BRSK2: variants seen among roughly 807,000 people sequenced by gnomAD.
The protein encoded by BRSK2 is serine/threonine-protein kinase BRSK2.
A neutral mutation model predicts 83.3 loss-of-function variants in BRSK2; 19 were observed. The observed-to-expected ratio is 0.23, with a 90% CI of 0.16 to 0.33. BRSK2 has a LOEUF of 0.33. BRSK2 is among the 10% of genes least tolerant of loss of function. The probability of loss-of-function intolerance (pLI) is 1.00; values close to 1 mark genes in which losing one functional copy is unlikely to be tolerated. For synonymous variants in BRSK2, 519 were observed against 435.4 expected, an observed-to-expected ratio of 1.19 and a Z score of -2.39; for missense variants, 798 against 1,042.3, an observed-to-expected ratio of 0.77 and a Z score of 3.23.
At chr11:1,437,233 C>T (rs1236260392) in intron 2 of BRSK2, among the ~76,000 whole-genome samples, 1 of 152,154 alleles carries the variant, frequency 6.6e-6, no homozygotes, top group Non-Finnish European at 1.5e-5. Flanking sequence ...GTCCCTGTCA[C>T]CTGCAGGCGC....
chr11:1,445,351 C>A lies in BRSK2; in HGVS notation c.870C>A (p.Arg290=). 6.2e-7 allele frequency: 1 copy of A among 1,611,844 alleles called. No individual in the cohort carries two copies. Among genetic ancestry groups the A allele is most frequent in the Non-Finnish European group, 8.5e-7 (1 of 1,179,582 alleles). Residue 290 remains arginine, a synonymous_variant, in exon 10 of 20, where the codon CGC becomes CGA. Coordinates refer to ENST00000528841, the MANE Select transcript of BRSK2 (RefSeq NM_001256627.2). ...CCATTCCTCGCAAGGTGCAGATCCG[C>A]TCGCTGCCCAGCCTGGAGGACATCG... ...EQPIPRKVQI[R]SLPSLEDIDP...
intron 1 of BRSK2, among the ~76,000 whole-genome samples, chr11:1,417,926 T>C (rs74749537): frequency 2.7e-5 from 4 of 147,042 alleles, no homozygotes; most frequent in African/African-American, 1.0e-4. Flanking sequence ...CTGCTTCTGT[T>C]GGCAGTTTCT....
At chr11:1,426,528 C>A (rs1017811899) in intron 1 of BRSK2, among the ~76,000 whole-genome samples, 9 of 152,144 alleles carry the variant, frequency 5.9e-5, no homozygotes, top group African/African-American at 2.2e-4. Context: ...GGTCTGTCCC[C>A]GCAAATGTAG....
intron 1 of BRSK2, among the ~76,000 whole-genome samples, chr11:1,421,135 C>G (rs577745205): frequency 3.3e-5 from 5 of 152,160 alleles, no homozygotes; most frequent in African/African-American, 1.2e-4. Flanking sequence ...CTGGTACAGT[C>G]CCAGGCTGTG....
At chr11:1,460,460 CCTTTTTTTTTTTTTT>C (rs1188992826) in intron 19 of BRSK2, 25 bp from the exon 20 acceptor site, 2 of 1,048,676 alleles carry the variant, frequency 1.9e-6, no homozygotes, top group African/African-American at 3.8e-5. Context: ...TTTCTTTTTT[CCTTTTTTTTTTTTTT>C]TTTGTCTCTG....
rs1847537305 is a variant in BRSK2, at chr11:1,461,865, GGC to G, written c.*1143_*1144del. 6.9e-6 allele frequency: 1 copy of G among 144,686 alleles called. No homozygotes were observed. Among genetic ancestry groups the G allele is most frequent in the Admixed American group, 6.8e-5 (1 of 14,626 alleles). The allele number at this position is 144,686 out of a possible 1,614,324, so 9.0% of individuals were successfully genotyped here. ...CTACACACACATCTAAAGACGGTGC[GGC>G]TCGCTCTGTCATGGGTTCCGTCTCT... is the stretch of plus-strand genomic sequence containing the variant. On this transcript the variant is annotated 3_prime_UTR_variant, in exon 20 of 20. Coordinates refer to ENST00000528841, the MANE Select transcript of BRSK2 (RefSeq NM_001256627.2).
rs1846266998 is a variant in BRSK2, at chr11:1,454,755, T to A, written c.1668+147T>A. 1.9e-6 allele frequency: 2 copies of A among 1,077,054 alleles called. No individual in the cohort carries two copies. The highest frequency in any genetic ancestry group is 2.4e-5 in the Admixed American group (1 of 41,024). 66.7% of individuals were successfully genotyped at this position (1,077,054 alleles called of 1,614,324 possible). A position where few individuals can be genotyped will look rare whatever the true frequency, so the allele number is the denominator to read the frequency against. Reference sequence around the variant, plus strand: ...CACCCGTGGGCCTGCCTGGCCGCCTTCACTGGACAGGCGCTCTCTCCTGCC... The same window carrying A: ...CACCCGTGGGCCTGCCTGGCCGCCTACACTGGACAGGCGCTCTCTCCTGCC... On this transcript the variant is annotated intron_variant, in intron 16 of 19. Transcript: ENST00000528841. This position sits in a 1 kb window ranked among gnomAD's most constrained non-coding sequence, Gnocchi z 5.2.
chr11:1,443,295 G>T (rs1340725386), intron 6 of BRSK2, 40 bp from the exon 7 acceptor site: 3 of 1,577,318 alleles, frequency 1.9e-6, no homozygotes, highest in Admixed American at 3.6e-5. Context: ...CCCCCGCCCT[G>T]CCCTGCGCCC....
Position 1,438,322 on chromosome 11 carries a change from C to A in BRSK2, c.203C>A (p.Ala68Glu). 6.2e-7 allele frequency: 1 copy of A among 1,614,054 alleles called. No individual in the cohort carries two copies. The highest frequency in any genetic ancestry group is 8.5e-7 in the Non-Finnish European group (1 of 1,179,968). ...SVLMKVEREI[A>E]ILKLIEHPHV... is the part of the protein sequence containing the mutation. ...CCCATGCAGGTGGAGCGGGAGATCG[C>A]GATCCTGAAGCTCATTGAGCACCCC... is the stretch of plus-strand genomic sequence containing the variant. The change falls in exon 3 of 20, where the codon GCG becomes GAG. Residue 68 changes from alanine to glutamate, a missense_variant. By Grantham distance (107) the Ala-to-Glu change is moderately radical. Coordinates refer to ENST00000528841, the MANE Select transcript of BRSK2 (RefSeq NM_001256627.2). The surrounding 1 kb of genome is among the most constrained non-coding windows in gnomAD (Gnocchi z 6.4).
chr11:1,399,980 G>T (rs529121367), intron 1 of BRSK2, among the ~76,000 whole-genome samples: 1 of 152,166 alleles, frequency 6.6e-6, no homozygotes, highest in Non-Finnish European at 1.5e-5. Flanking sequence ...CCTCCGTTAC[G>T]CAGGAATAGT....
intron 1 of BRSK2, among the ~76,000 whole-genome samples, chr11:1,420,154 G>A (rs560664408): frequency 2.3e-4 from 35 of 152,362 alleles, no homozygotes; most frequent in African/African-American, 7.2e-4. Flanking sequence ...GCAAGTGTGC[G>A]TGCGTGCATG....
chr11:1,457,304 TCATCTCTC>T (rs554059338), intron 18 of BRSK2, among the ~76,000 whole-genome samples: 3 of 152,298 alleles, frequency 2.0e-5, no homozygotes, highest in Non-Finnish European at 4.4e-5. Flanking sequence ...CTGTGACTTC[TCATCTCTC>T]CATACTTCCT....
intron 1 of BRSK2, among the ~76,000 whole-genome samples, chr11:1,393,853 CCCTGGAGATGGGCCATGGAGATGGGT>C (rs1334066923): frequency 5.9e-5 from 9 of 151,912 alleles, no homozygotes; most frequent in Admixed American, 2.6e-4. Context: ...GTGTGCAGGT[CCCTGGAGATGGGCCATGGAGATGGGT>C]CCTGGAGATG....
In BRSK2 at chr11:1,445,845, G is replaced by A; in HGVS notation, c.1164G>A (p.Val388=). The A allele has an allele frequency of 1.2e-6, 2 of 1,612,362 alleles. No homozygotes were observed. The highest frequency in any genetic ancestry group is 1.7e-5 in the Admixed American group (1 of 60,004). The change falls in exon 12 of 20, where the codon GTG becomes GTA. Residue 388 remains valine, a synonymous_variant. Transcript: ENST00000528841. ...GCAAATCCATGGAGGTGCTCAGCGT[G>A]ACGGACGGCGGCTCCCCGGTGCCTG... The part of the protein sequence containing the change: ...PERKSMEVLS[V]TDGGSPVPAR...
Position 1,454,705 on chromosome 11 carries a change from C to G in BRSK2, c.1668+97C>G. The G allele has an allele frequency of 6.8e-7, 1 of 1,474,130 alleles. No homozygotes were observed. The highest frequency in any genetic ancestry group is 9.3e-7 in the Non-Finnish European group (1 of 1,080,636). The allele number at this position is 1,474,130 out of a possible 1,614,324, so 91.3% of individuals were successfully genotyped here. On this transcript the variant is annotated intron_variant, in intron 16 of 19. Transcript: ENST00000528841. The surrounding 1 kb of genome is among the most constrained non-coding windows in gnomAD (Gnocchi z 5.2). ...CCTCCTCACGTAGACAGGACATGTC[C>G]ACGCGCACAGCACGGACGTCCGCTC...
chr11:1,459,149 C>G, intron 18 of BRSK2, 43 bp from the exon 19 acceptor site: 1 of 1,606,166 alleles, frequency 6.2e-7, no homozygotes, highest in Non-Finnish European at 8.5e-7. Flanking sequence ...CCAGGACAGC[C>G]TTTCACTCAC....
chr11:1,450,527 C>A (rs1367800931), intron 13 of BRSK2, 60 bp from the exon 14 acceptor site: 1 of 803,232 alleles, frequency 1.2e-6, no homozygotes, highest in Non-Finnish European at 2.0e-6. Context: ...CCTGCGGGTG[C>A]CCCCCCGGCC....
At position 1,422,666 on chromosome 11, in the gene BRSK2, C is replaced by A. The variant is rs1173791001; in HGVS notation, c.92-13374C>A. 3.3e-5 allele frequency among the ~76,000 whole-genome samples: 5 copies of A among 152,168 alleles called. 1 individual carries two copies. Among genetic ancestry groups the A allele is most frequent in the East Asian group, 3.9e-4 (2 of 5,188 alleles). On this transcript the variant is annotated intron_variant, in intron 1 of 19. Transcript: ENST00000528841. The stretch of plus-strand genomic sequence containing the variant: ...TCCAAGGACACTCCTCCCTGACAGT[C>A]CTGTCCATGGTGCTGGAAGAGCTCT...
chr11:1,442,939 C>T (rs745748506), intron 5 of BRSK2, among the ~76,000 whole-genome samples, 167 bp from the exon 6 acceptor site: 54 of 152,148 alleles, frequency 3.5e-4, no homozygotes, highest in Non-Finnish European at 4.4e-4. Flanking sequence ...CCCAGTGCCC[C>T]ACCTTGATCT....
Sources: gnomAD v4.1 joint callset for allele counts (sites outside exome capture counted in the v4.1 genomes callset) on GRCh38, gnomAD v4.1.1 for gene constraint, Gnocchi (gnomAD v3.1) non-coding constraint, MANE v1.5 for transcripts, NCBI Gene and HGNC (gene_info 2026-07-23, HGNC 2026-07-21) for gene names.